Variants in COL11A2 observed in about 807,000 individuals in gnomAD.
COL11A2 encodes the protein collagen type XI alpha 2 chain, also known as collagen alpha-2(XI) chain.
A neutral mutation model predicts 273.4 loss-of-function variants in COL11A2; 116 were observed. The observed-to-expected ratio is 0.42, with a 90% confidence interval of 0.36 to 0.49. The LOEUF (loss-of-function observed/expected upper bound fraction) is 0.49, where lower values mean the gene tolerates loss of function less well. COL11A2 is among the 20% of genes least tolerant of loss of function. The pLI, the probability that COL11A2 is intolerant of heterozygous loss-of-function variation, is 0.00. For missense variants in COL11A2, 1,866 were observed against 2,309.0 expected, an observed-to-expected ratio of 0.81 and a Z score of 3.93; for synonymous variants, 782 against 864.2, an observed-to-expected ratio of 0.90 and a Z score of 1.67.
At position 33,189,550 on chromosome 6, in the gene COL11A2, A is replaced by T. The variant is rs933932526; in HGVS notation, c.83-81T>A. ...AGGGGACATTTGGGATCTAGAACTC[A>T]GCTTTCCAGGGCTCAAACTCCCTGC... is the stretch of plus-strand genomic sequence containing the variant. On this transcript the variant is annotated intron_variant, in intron 1 of 65. Transcript: ENST00000341947. This position sits in a 1 kb window ranked among gnomAD's most constrained non-coding sequence, Gnocchi z 5.6. 5 of 1,573,014 alleles carry T rather than the reference A, an allele frequency of 3.2e-6. No individual in the cohort carries two copies. Among genetic ancestry groups the T allele is most frequent in the Non-Finnish European group, 4.3e-6 (5 of 1,151,600 alleles).
chr6:33,191,196 T>C (rs1184065942), intron 1 of COL11A2, among the ~76,000 whole-genome samples: 1 of 152,226 alleles, frequency 6.6e-6, no homozygotes, highest in Non-Finnish European at 1.5e-5. Context: ...CTCAATTTCC[T>C]GGCCCTGGGC....
rs1772885884 is a variant in COL11A2, at chr6:33,189,712, C to G, written c.83-243G>C. ...CTCCTGCCCCTGTCTCTCCTAGCAT[C>G]TGCCTCTCTTACGCTCTCTCTTTGT... On this transcript the variant is annotated intron_variant, in intron 1 of 65. Transcript: ENST00000341947. This position sits in a 1 kb window ranked among gnomAD's most constrained non-coding sequence, Gnocchi z 5.6. Among the ~76,000 whole-genome samples, 1 of 152,200 alleles carries G rather than the reference C, an allele frequency of 6.6e-6. No homozygotes were observed.
rs1562363062 is a variant in COL11A2 at position 33,179,764 on chromosome 6, C to T, written c.1401G>A (p.Val467=). 6.2e-7 allele frequency: 1 copy of T among 1,612,160 alleles called. No individual in the cohort carries two copies. The change falls in exon 13 of 66, where the codon GTG becomes GTA. Residue 467 remains valine (V), a synonymous_variant. Coordinates refer to ENST00000341947, the MANE Select transcript of COL11A2 (RefSeq NM_080680.3). This position sits in a 1 kb window ranked among gnomAD's most constrained non-coding sequence, Gnocchi z 6.4. ...CCTGGGCCTGAGCCTCCTGGGCCGC[C>T]ACCACAGGGCCCTTGTCACCCCCAC... ...GSGGGDKGPV[V]AAQEAQAQAI... is the part of the protein sequence containing the mutation.
chr6:33,167,372 C>T lies in COL11A2; in HGVS notation c.4122+54G>A. ...GGAGGAGCATCCCCACACTGCACCC[C>T]TCCCATGGCCCCTCACTCCCACCCC... On this transcript the variant is annotated intron_variant, in intron 56 of 65. Transcript: ENST00000341947. This position sits in a 1 kb window ranked among gnomAD's most constrained non-coding sequence, Gnocchi z 6.1. 2.5e-6 allele frequency: 4 copies of T among 1,612,580 alleles called. No homozygotes were observed. The highest frequency in any genetic ancestry group is 3.4e-6 in the Non-Finnish European group (4 of 1,179,704).
intron 7 of COL11A2, 109 bp from the exon 8 acceptor site, chr6:33,184,433 T>A: frequency 1.3e-6 from 1 of 750,146 alleles, no homozygotes; most frequent in Non-Finnish European, 1.9e-6. Flanking sequence ...ATTCCAAGGT[T>A]AATCAGAACT....
In COL11A2 at chr6:33,179,279, T is replaced by C. The variant is rs909847458; in HGVS notation, c.1509A>G (p.Gln503=). 5.0e-6 allele frequency: 8 copies of C among 1,610,022 alleles called. No individual in the cohort carries two copies. In the African/African-American group the frequency reaches 9.4e-5, roughly 19 times the overall value. ...GYTGRPGPLG[Q]PGSPGLKGES... is the part of the protein sequence containing the mutation. ...CTCCTTTCAGGCCAGGGCTCCCAGG[T>C]TGGCCCTGGGAGAGAGAAGAGAGGA... Residue 503 remains glutamine, a synonymous_variant, in exon 15 of 66, where the codon CAA becomes CAG. Coordinates refer to ENST00000341947, the MANE Select transcript of COL11A2 (RefSeq NM_080680.3). This position sits in a 1 kb window ranked among gnomAD's most constrained non-coding sequence, Gnocchi z 6.4.
upstream of COL11A2, among the ~76,000 whole-genome samples, chr6:33,193,003 G>A (rs1171165457): frequency 6.6e-6 from 1 of 152,172 alleles, no homozygotes; most frequent in East Asian, 1.9e-4. Context: ...CGGAGAGCAA[G>A]AGGCCAGAGA....
Position 33,166,066 on chromosome 6 carries a change from TG to T in COL11A2, c.4429-83del. ...TCACAGAAAGATCAAATCAGCCTCCTGGCTGGAATAAGGGGCTCCTTGGGGG... is the reference window on the plus strand; with the variant it reads ...TCACAGAAAGATCAAATCAGCCTCCTGCTGGAATAAGGGGCTCCTTGGGGG... On this transcript the variant is annotated intron_variant, in intron 61 of 65. Coordinates refer to ENST00000341947, the MANE Select transcript of COL11A2 (RefSeq NM_080680.3). The surrounding 1 kb of genome is among the most constrained non-coding windows in gnomAD (Gnocchi z 4.8). The T allele has an allele frequency of 1.2e-6, 2 of 1,606,508 alleles. No homozygotes were observed. The highest frequency in any genetic ancestry group is 2.2e-5 in the South Asian group (2 of 90,594).
rs749580804 is a variant in COL11A2, at chr6:33,177,355, T to G, written c.1971+57A>C. On this transcript the variant is annotated intron_variant, in intron 23 of 65. Transcript: ENST00000341947. The surrounding 1 kb of genome is among the most constrained non-coding windows in gnomAD (Gnocchi z 5.9). Reference sequence around the variant, plus strand: ...TGTATCCTTCCAGGGTCTCACCCATTGTGGAAGCCCAAGGGAAGTCATGAA... The same window carrying G: ...TGTATCCTTCCAGGGTCTCACCCATGGTGGAAGCCCAAGGGAAGTCATGAA... 3.1e-4 allele frequency: 497 copies of G among 1,607,308 alleles called. No homozygotes were observed. Among genetic ancestry groups the G allele is most frequent in the Non-Finnish European group, 4.1e-4 (485 of 1,175,322 alleles).
Position 33,180,991 on chromosome 6 carries a change from C to T in COL11A2, c.1194G>A (p.Glu398=). The change falls in exon 10 of 66, where the codon GAG becomes GAA. Residue 398 remains glutamate (E), a synonymous_variant. Transcript: ENST00000341947. ...PAVLEPGMLV[E]GPPGPEGPAG... ...CAGGGCCTTCTGGGCCAGGGGGCCCCTCCACGAGCATACCCTGTGGAGTCA... is the reference window on the plus strand; with the variant it reads ...CAGGGCCTTCTGGGCCAGGGGGCCCTTCCACGAGCATACCCTGTGGAGTCA... The T allele has an allele frequency of 6.2e-7, 1 of 1,614,120 alleles. No homozygotes were observed. Among genetic ancestry groups the T allele is most frequent in the South Asian group, 1.1e-5 (1 of 91,084 alleles).
chr6:33,178,619 A>G lies in COL11A2; in HGVS notation c.1719+60T>C. ...AGCCTCCAGCCTCCCTTCCCTACCT[A>G]TCCTCACTCCCATAGAAGATCTATC... On this transcript the variant is annotated intron_variant, in intron 18 of 65. Coordinates refer to ENST00000341947, the MANE Select transcript of COL11A2 (RefSeq NM_080680.3). The surrounding 1 kb of genome is among the most constrained non-coding windows in gnomAD (Gnocchi z 4.6). 6.2e-7 allele frequency: 1 copy of G among 1,607,468 alleles called. No homozygotes were observed. Among genetic ancestry groups the G allele is most frequent in the Non-Finnish European group, 8.5e-7 (1 of 1,175,484 alleles).
intron 4 of COL11A2, 30 bp downstream of exon 4, chr6:33,188,332 G>A (rs1184581289): frequency 1.2e-6 from 2 of 1,612,708 alleles, no homozygotes; most frequent in Non-Finnish European, 1.7e-6. Flanking sequence ...GGGACCAGAA[G>A]TCAATCCTGC....
upstream of COL11A2, chr6:33,192,649 G>A: frequency 3.3e-6 from 1 of 299,934 alleles, no homozygotes; most frequent in Non-Finnish European, 6.3e-6. Context: ...GGTCTCAACG[G>A]CCTGTACCCT....
chr6:33,180,799 A>T (rs942805998), intron 10 of COL11A2, 69 bp from the exon 11 acceptor site: 1 of 1,579,956 alleles, frequency 6.3e-7, no homozygotes, highest in Non-Finnish European at 8.7e-7. Flanking sequence ...CCTGTGGCTG[A>T]GGAGTGGTCT....
chr6:33,171,372 G>T (rs763047286), intron 43 of COL11A2, 48 bp from the exon 44 acceptor site: 2 of 1,612,800 alleles, frequency 1.2e-6, no homozygotes, highest in South Asian at 2.2e-5. Context: ...GATGGGTAGA[G>T]TGGGAAGGAT....
At chr6:33,172,268 G>A in intron 40 of COL11A2, 21 bp downstream of exon 40, 4 of 1,583,260 alleles carry the variant, frequency 2.5e-6, no homozygotes, top group Non-Finnish European at 3.4e-6. Context: ...TGACAGGCAG[G>A]GGTCTGGGAG....
Position 33,170,683 on chromosome 6 carries a change from A to G in COL11A2, c.3475-73T>C. 6.3e-7 allele frequency: 1 copy of G among 1,597,006 alleles called. No homozygotes were observed. Among genetic ancestry groups the G allele is most frequent in the East Asian group, 2.2e-5 (1 of 44,800 alleles). On this transcript the variant is annotated intron_variant, in intron 46 of 65. Coordinates refer to ENST00000341947, the MANE Select transcript of COL11A2 (RefSeq NM_080680.3). This position sits in a 1 kb window ranked among gnomAD's most constrained non-coding sequence, Gnocchi z 4.3. Reference sequence around the variant, plus strand: ...GCACAGCCCTAGGCAGATAGGCCCCACAGTCCCCTCCCCTCAGACTCCGCA... The same window carrying G: ...GCACAGCCCTAGGCAGATAGGCCCCGCAGTCCCCTCCCCTCAGACTCCGCA...
At chr6:33,184,884 C>A (rs1177153539) in intron 7 of COL11A2, 108 bp downstream of exon 7, 9 of 911,786 alleles carry the variant, frequency 9.9e-6, no homozygotes, top group Non-Finnish European at 1.4e-5. Flanking sequence ...TGAGGAAGAA[C>A]CCTCCGGCCA....
chr6:33,179,751 C>A lies in COL11A2; in HGVS notation c.1414G>T (p.Ala472Ser). The part of the protein sequence containing the change: ...DKGPVVAAQE[A>S]QAQAILQQAR... Reference sequence around the variant, plus strand: ...TGCTGCAGGATCGCCTGGGCCTGAGCCTCCTGGGCCGCCACCACAGGGCCC... The same window carrying A: ...TGCTGCAGGATCGCCTGGGCCTGAGACTCCTGGGCCGCCACCACAGGGCCC... The change falls in exon 13 of 66, where the codon GCT (alanine) becomes TCT (serine). Residue 472 changes from alanine (A) to serine (S), a missense_variant. By Grantham distance (99) the Ala-to-Ser change is moderately conservative. Coordinates refer to ENST00000341947, the MANE Select transcript of COL11A2 (RefSeq NM_080680.3). The surrounding 1 kb of genome is among the most constrained non-coding windows in gnomAD (Gnocchi z 6.4). The A allele has an allele frequency of 6.2e-7, 1 of 1,612,234 alleles. No homozygotes were observed. Among genetic ancestry groups the A allele is most frequent in the South Asian group, 1.1e-5 (1 of 91,088 alleles).
Sources: gnomAD v4.1 joint callset for allele counts (sites outside exome capture counted in the v4.1 genomes callset) on GRCh38, gnomAD v4.1.1 for gene constraint, Gnocchi (gnomAD v3.1) non-coding constraint, MANE v1.5 for transcripts, NCBI Gene and HGNC (gene_info 2026-07-23, HGNC 2026-07-21) for gene names.